Variants in SLC39A14 observed in about 807,000 individuals in gnomAD.
The protein encoded by SLC39A14 is solute carrier family 39 member 14, also known as metal cation symporter ZIP14.
In SLC39A14, 19 loss-of-function variants were observed where a neutral mutation model predicts 45.5. The observed-to-expected ratio is 0.42, with a 90% CI of 0.29 to 0.61. SLC39A14 has a LOEUF of 0.61. Among genes scored for constraint, SLC39A14 ranks in the 20% least tolerant of loss-of-function variants. SLC39A14 has a pLI of 0.22. For missense variants in SLC39A14, 447 were observed against 616.5 expected, an observed-to-expected ratio of 0.73 and a Z score of 2.91; for synonymous variants, 264 against 251.3, an observed-to-expected ratio of 1.05 and a Z score of -0.48.
chr8:22,409,531 C>T (rs373843250), intron 3 of SLC39A14, among the ~76,000 whole-genome samples: 7 of 152,192 alleles, frequency 4.6e-5, no homozygotes, highest in South Asian at 2.1e-4. Flanking sequence ...TTCAGGCACG[C>T]GCCACCACGC....
chr8:22,412,773 G>T (rs1009198951), intron 4 of SLC39A14, among the ~76,000 whole-genome samples: 7 of 152,042 alleles, frequency 4.6e-5, no homozygotes, highest in Non-Finnish European at 8.8e-5. Flanking sequence ...GTGAAACCCC[G>T]TCTATACTAA....
At chr8:22,416,418 A>G (rs1586745645) in intron 7 of SLC39A14, 138 bp downstream of exon 7, 6 of 716,528 alleles carry the variant, frequency 8.4e-6, no homozygotes, top group Non-Finnish European at 1.4e-5. Context: ...CTAAAGCTTC[A>G]TGGACCCTAA....
At chr8:22,430,693 G>A (rs1836452813) in intron 8 of SLC39A14, among the ~76,000 whole-genome samples, 1 of 151,960 alleles carries the variant, frequency 6.6e-6, no homozygotes, top group African/African-American at 2.4e-5. Context: ...TCGTTTTGGA[G>A]ACAGGGTCTT....
chr8:22,387,384 C>T (rs11783730), intron 1 of SLC39A14, among the ~76,000 whole-genome samples: 35,922 of 151,934 alleles, frequency 0.24, 4,930 homozygotes, highest in East Asian at 0.5. Context: ...AAAGCAGAAA[C>T]GCTTTGTGGC....
chr8:22,404,758 G>C lies in SLC39A14; in HGVS notation c.48G>C (p.Leu16=). 6.2e-7 allele frequency: 1 copy of C among 1,613,806 alleles called. No individual in the cohort carries two copies. Among genetic ancestry groups the C allele is most frequent in the Non-Finnish European group, 8.5e-7 (1 of 1,179,872 alleles). The change falls in exon 2 of 9, where the codon CTG becomes CTC. Residue 16 remains leucine (L), a synonymous_variant. Coordinates refer to ENST00000381237, the MANE Select transcript of SLC39A14 (RefSeq NM_001128431.4). ...LHPAFQSCLL[L]TLLGLWRTTP... Reference sequence around the variant, plus strand: ...CGGCCTTCCAGAGCTGCCTCCTGCTGACCCTGCTTGGCTTATGGAGAACCA... The same window carrying C: ...CGGCCTTCCAGAGCTGCCTCCTGCTCACCCTGCTTGGCTTATGGAGAACCA...
intron 1 of SLC39A14, among the ~76,000 whole-genome samples, chr8:22,370,137 G>A (rs1221220840): frequency 6.6e-6 from 1 of 152,078 alleles, no homozygotes; most frequent in Non-Finnish European, 1.5e-5. Flanking sequence ...GTGCCTGGGT[G>A]GTGGGTGTGT....
intron 1 of SLC39A14, among the ~76,000 whole-genome samples, chr8:22,385,092 A>AC (rs1486161300): frequency 6.6e-6 from 1 of 152,080 alleles, no homozygotes; most frequent in Non-Finnish European, 1.5e-5. Context: ...AAACAAACAA[A>AC]AAAACTCCAC....
chr8:22,396,715 T>G (rs1834506455), intron 1 of SLC39A14, among the ~76,000 whole-genome samples: 1 of 151,544 alleles, frequency 6.6e-6, no homozygotes, highest in Non-Finnish European at 1.5e-5. Context: ...CACCGTTTTT[T>G]TTTTTGCTCT....
At chr8:22,411,680 A>G (rs932156445) in intron 3 of SLC39A14, among the ~76,000 whole-genome samples, 1 of 152,146 alleles carries the variant, frequency 6.6e-6, no homozygotes, top group African/African-American at 2.4e-5. Context: ...TGGGTGTGTG[A>G]CGAGGCAGCA....
At chr8:22,402,167 G>A (rs1834908891) in intron 1 of SLC39A14, among the ~76,000 whole-genome samples, 1 of 152,030 alleles carries the variant, frequency 6.6e-6, no homozygotes, top group Non-Finnish European at 1.5e-5. Flanking sequence ...GGGTCACGAG[G>A]TCAGGAGATT....
At chr8:22,394,561 C>A (rs966107244) in intron 1 of SLC39A14, among the ~76,000 whole-genome samples, 5 of 151,900 alleles carry the variant, frequency 3.3e-5, no homozygotes, top group African/African-American at 1.2e-4. Flanking sequence ...CCTTGTGATC[C>A]GCCCGCCTCG....
At chr8:22,406,670 G>T (rs1213924352) in intron 2 of SLC39A14, among the ~76,000 whole-genome samples, 1 of 152,134 alleles carries the variant, frequency 6.6e-6, no homozygotes, top group Non-Finnish European at 1.5e-5. Context: ...CCAGCCTGGC[G>T]ACAGAGCGAG....
chr8:22,408,836 T>TTTC (rs35437680), intron 3 of SLC39A14, among the ~76,000 whole-genome samples: 1 of 151,056 alleles, frequency 6.6e-6, no homozygotes. Flanking sequence ...TTTTTTTTTT[T>TTTC]CTGAGATAGG....
chr8:22,370,487 G>A (rs1002931048), intron 1 of SLC39A14, among the ~76,000 whole-genome samples: 2 of 152,188 alleles, frequency 1.3e-5, no homozygotes, highest in African/African-American at 4.8e-5. Context: ...TGTTGAGCAG[G>A]GGACTTTGGT....
intron 2 of SLC39A14, 70 bp from the exon 3 acceptor site, chr8:22,408,240 G>A (rs981817099): frequency 7.3e-7 from 1 of 1,373,364 alleles, no homozygotes; most frequent in Non-Finnish European, 1.0e-6. Flanking sequence ...AGGCTGAGTA[G>A]GTTGCTGTTT....
At position 22,421,661 on chromosome 8, in the gene SLC39A14, ACT is replaced by A. The variant is rs1836236003; in HGVS notation, c.*1966_*1967del. 2.0e-6 allele frequency: 2 copies of A among 985,702 alleles called. No individual in the cohort carries two copies. The highest frequency in any genetic ancestry group is 1.7e-5 in the African/African-American group (1 of 57,346). The allele number at this position is 985,702 out of a possible 1,614,324, so 61.1% of individuals were successfully genotyped here. On this transcript the variant is annotated 3_prime_UTR_variant, in exon 9 of 9. Transcript: ENST00000381237. ...AGCAGAAAATAACTCAAAGTTGAAGACTCTGGAAGATTTTGCTTTAACCTAAC... is the reference window on the plus strand; with the variant it reads ...AGCAGAAAATAACTCAAAGTTGAAGACTGGAAGATTTTGCTTTAACCTAAC...
At chr8:22,408,279 T>C (rs1162413674) in intron 2 of SLC39A14, 31 bp from the exon 3 acceptor site, 2 of 1,601,770 alleles carry the variant, frequency 1.2e-6, no homozygotes, top group South Asian at 2.2e-5. Flanking sequence ...CTTTGGGGTC[T>C]AAGCGGCTTC....
intron 1 of SLC39A14, among the ~76,000 whole-genome samples, chr8:22,390,948 T>C (rs1834039753): frequency 6.6e-6 from 1 of 151,974 alleles, no homozygotes; most frequent in Non-Finnish European, 1.5e-5. Context: ...GGACATGCAT[T>C]TCCCTGGTGT....
At chr8:22,380,454 GC>G (rs1175332475) in intron 1 of SLC39A14, among the ~76,000 whole-genome samples, 1 of 152,172 alleles carries the variant, frequency 6.6e-6, no homozygotes, top group African/African-American at 2.4e-5. Context: ...CACCTCTCTA[GC>G]CCGAGGTGGC....
Sources: allele counts gnomAD v4.1 joint callset (sites outside exome capture counted in the v4.1 genomes callset), GRCh38; gene constraint gnomAD v4.1.1; transcripts MANE v1.5; gene names NCBI Gene and HGNC (gene_info 2026-07-23, HGNC 2026-07-21).